The following BAHCC1 variants were observed in gnomAD, a reference collection of about 807,000 sequenced individuals.
BAHCC1 encodes BAH and coiled-coil domain-containing protein 1.
Under a neutral mutation model 88.2 loss-of-function variants are expected in BAHCC1, and 43 were observed. That is an observed-to-expected ratio of 0.49 (90% CI 0.38 to 0.63). The LOEUF is 0.63. Among genes scored for constraint, BAHCC1 ranks in the 20% least tolerant of loss-of-function variants. BAHCC1 has a pLI of 0.00. For missense variants in BAHCC1, 3,023 were observed against 1,654.8 expected (o/e 1.83, Z -14.34); for synonymous variants, 1,510 against 745.5 (o/e 2.03, Z -16.71).
chr17:81,446,838 C>A (rs894631544), intron 10 of BAHCC1, 198 bp from the exon 11 acceptor site: 3 of 677,406 alleles, frequency 4.4e-6, no homozygotes. Context: ...CAGGTGTGAG[C>A]TACTGCACCC....
intron 14 of BAHCC1, among the ~76,000 whole-genome samples, chr17:81,454,664 A>G (rs1555656775): frequency 1.3e-5 from 2 of 148,952 alleles, no homozygotes. Flanking sequence ...TGCCTGCCCC[A>G]CTCCTAAGGG....
At chr17:81,452,530 G>C (rs2064659976) in intron 13 of BAHCC1, among the ~76,000 whole-genome samples, 193 bp from the exon 14 acceptor site, 2 of 151,874 alleles carry the variant, frequency 1.3e-5, no homozygotes, top group Admixed American at 1.3e-4. Context: ...GTGTGTGGAT[G>C]GTAGGAGGTG....
At chr17:81,437,863 C>T (rs1555651955) in intron 3 of BAHCC1, among the ~76,000 whole-genome samples, 3 of 152,210 alleles carry the variant, frequency 2.0e-5, no homozygotes, top group African/African-American at 4.8e-5. Flanking sequence ...CGGATGGACA[C>T]ACCTGTGACC....
chr17:81,450,159 A>C (rs1598497923), intron 11 of BAHCC1, among the ~76,000 whole-genome samples: 1 of 152,130 alleles, frequency 6.6e-6, no homozygotes, highest in Non-Finnish European at 1.5e-5. Context: ...GGGCTTTCCC[A>C]GGGGATACCA....
chr17:81,442,124 G>A lies in BAHCC1; in HGVS notation c.775G>A (p.Asp259Asn), dbSNP rs371853410. The A allele has an allele frequency of 6.9e-5, 47 of 678,510 alleles. No individual in the cohort carries two copies. The highest frequency in any genetic ancestry group is 5.9e-4 in the East Asian group (22 of 37,138). 42.0% of individuals were successfully genotyped at this position (678,510 alleles called of 1,614,324 possible). A position where few individuals can be genotyped will look rare whatever the true frequency, so the allele number is the denominator to read the frequency against. ...CAAGCTGGTGCTGCCCGTGCCAGCC[G>A]ACGGGCACTGCAGGGAGGGCGGCCC... ...RHKLVLPVPADGHCREGGPAP... is the reference protein window; with the variant it reads ...RHKLVLPVPANGHCREGGPAP... The change falls in exon 5 of 28, where the codon GAC becomes AAC. Residue 259 changes from aspartate (D) to asparagine (N), a missense_variant. Physicochemically the swap from Asp to Asn is conservative, Grantham distance 23. Transcript: ENST00000675386.
chr17:81,455,830 G>A (rs1211780456), intron 15 of BAHCC1, among the ~76,000 whole-genome samples: 1 of 152,120 alleles, frequency 6.6e-6, no homozygotes, highest in Non-Finnish European at 1.5e-5. Flanking sequence ...CGTGGTGGGG[G>A]CTCTCTCGGC....
chr17:81,400,825 A>C (rs1481097775), intron 2 of BAHCC1: 1 of 154,376 alleles, frequency 6.5e-6, no homozygotes, highest in Non-Finnish European at 1.5e-5. Flanking sequence ...GGTGGCTTTG[A>C]TATGAGTGTC....
rs782478726 is a variant in BAHCC1, at chr17:81,457,434, G to A, written c.4883G>A (p.Cys1628Tyr). 5 of 772,004 alleles carry A rather than the reference G, an allele frequency of 6.5e-6. No homozygotes were observed. The highest frequency in any genetic ancestry group is 1.2e-5 in the Non-Finnish European group (5 of 414,776). 47.8% of individuals were successfully genotyped at this position (772,004 alleles called of 1,614,324 possible). The change falls in exon 17 of 28, where the codon TGC (cysteine) becomes TAC (tyrosine). Residue 1628 changes from cysteine to tyrosine, a missense_variant. Transcript: ENST00000675386. ...GGCAGTGGCTATGACAGTGAGGACT[G>A]CGAGGGTCTCCTGGGGACAGAGGCA... is the stretch of plus-strand genomic sequence containing the variant. The part of the protein sequence containing the change: ...EAGSGYDSED[C>Y]EGLLGTEAPP...
chr17:81,433,980 G>A (rs987517683), intron 3 of BAHCC1, among the ~76,000 whole-genome samples: 17 of 152,206 alleles, frequency 1.1e-4, no homozygotes, highest in Non-Finnish European at 1.8e-4. Context: ...CCTCGTGCGT[G>A]TGGCTGCACG....
At position 81,460,682 on chromosome 17, in the gene BAHCC1, AAAT is replaced by A. The variant is rs782615553; in HGVS notation, c.6179_6181del (p.Lys2060_Ser2061delinsThr). On this transcript the variant is annotated inframe_deletion, in exon 25 of 28. Coordinates refer to ENST00000675386, the MANE Select transcript of BAHCC1 (RefSeq NM_001377448.1). ...CGAAGCTTTGAAGACACCTGGGAAAAAATCCATTAGCAAAGACAAAGCTGGTAT... is the reference window on the plus strand; with the variant it reads ...CGAAGCTTTGAAGACACCTGGGAAAACCATTAGCAAAGACAAAGCTGGTAT... 4 of 773,384 alleles carry A rather than the reference AAAT, an allele frequency of 5.2e-6. No individual in the cohort carries two copies. The East Asian group carries it at 9.8e-5, about 19-fold the overall frequency. 47.9% of individuals were successfully genotyped at this position (773,384 alleles called of 1,614,324 possible).
At chr17:81,440,347 T>C (rs574309070) in intron 4 of BAHCC1, among the ~76,000 whole-genome samples, 62 of 152,348 alleles carry the variant, frequency 4.1e-4, no homozygotes, top group Middle Eastern at 3.4e-3. Flanking sequence ...AATATTTTGG[T>C]GGAGCTGTGT....
In BAHCC1 at chr17:81,453,188, G is replaced by A. The variant is rs150340217; in HGVS notation, c.4445+337G>A. 3.3e-4 allele frequency among the ~76,000 whole-genome samples: 51 copies of A among 152,360 alleles called. No homozygotes were observed. In the East Asian group the frequency reaches 7.3e-3, roughly 22 times the overall value. Reference sequence around the variant, plus strand: ...CCCCTGGAGTGTGAGGCGGTGTTGCGTGCAGGCCTCTTTATCTGCACTGTA... The same window carrying A: ...CCCCTGGAGTGTGAGGCGGTGTTGCATGCAGGCCTCTTTATCTGCACTGTA... On this transcript the variant is annotated intron_variant, in intron 14 of 27. Transcript: ENST00000675386.
chr17:81,435,062 C>T lies in BAHCC1; in HGVS notation c.359-3308C>T, dbSNP rs2064317421. Among the ~76,000 whole-genome samples the T allele has an allele frequency of 6.6e-6, 1 of 152,018 alleles. No homozygotes were observed. Among genetic ancestry groups the T allele is most frequent in the Non-Finnish European group, 1.5e-5 (1 of 67,976 alleles). Reference sequence around the variant, plus strand: ...CAGCCCCCATTTCTCTGCACGGTGCCCTCCCACTCCTCTGTCCTTCAGCCC... The same window carrying T: ...CAGCCCCCATTTCTCTGCACGGTGCTCTCCCACTCCTCTGTCCTTCAGCCC... On this transcript the variant is annotated intron_variant, in intron 3 of 27. Coordinates refer to ENST00000675386, the MANE Select transcript of BAHCC1 (RefSeq NM_001377448.1). The surrounding 1 kb of genome is among the most constrained non-coding windows in gnomAD (Gnocchi z 4.4).
At chr17:81,410,741 G>A (rs540914492) in intron 2 of BAHCC1, among the ~76,000 whole-genome samples, 1 of 152,150 alleles carries the variant, frequency 6.6e-6, no homozygotes, top group South Asian at 2.1e-4. Context: ...AGTGGCAGAG[G>A]GGGACTGGCC....
chr17:81,407,545 C>T (rs1555647124), intron 2 of BAHCC1, among the ~76,000 whole-genome samples: 1 of 152,228 alleles, frequency 6.6e-6, no homozygotes, highest in Non-Finnish European at 1.5e-5. Context: ...AGACCGGAGA[C>T]CCAAGAGACC....
chr17:81,426,155 G>A (rs2064194816), intron 2 of BAHCC1, among the ~76,000 whole-genome samples: 27 of 149,602 alleles, frequency 1.8e-4, no homozygotes, highest in Non-Finnish European at 3.0e-4. Context: ...GGTGGGTGAT[G>A]TGGTTGGGGG....
intron 27 of BAHCC1, 26 bp downstream of exon 27, chr17:81,463,002 C>T: frequency 1.3e-6 from 1 of 771,974 alleles, no homozygotes; most frequent in East Asian, 2.4e-5. Flanking sequence ...GTGTGGGGCC[C>T]AGCCCCCCTC....
chr17:81,415,700 C>T (rs1315296817), intron 2 of BAHCC1: 10 of 373,758 alleles, frequency 2.7e-5, no homozygotes, highest in Non-Finnish European at 5.2e-5. Context: ...GTGGAGCTCT[C>T]CCGGCCAACA....
Position 81,460,631 on chromosome 17 carries a change from C to G in BAHCC1, c.6127C>G (p.Leu2043Val), listed in dbSNP as rs527321357. Residue 2043 changes from leucine to valine, a missense_variant, in exon 25 of 28, where the codon CTG (leucine) becomes GTG (valine). Coordinates refer to ENST00000675386, the MANE Select transcript of BAHCC1 (RefSeq NM_001377448.1). ...GCCTAGTGAAGCCGCCACCCCCAGC[C>G]TGTCCCCCAAAGCACAGGACGGCCC... ...PPPSEAATPS[L>V]SPKAQDGPEA... The G allele has an allele frequency of 1.3e-6, 1 of 771,992 alleles. No homozygotes were observed. Among genetic ancestry groups the G allele is most frequent in the South Asian group, 1.4e-5 (1 of 73,434 alleles). The allele number at this position is 771,992 out of a possible 1,614,324, so 47.8% of individuals were successfully genotyped here.
Sources: gnomAD v4.1 joint callset for allele counts (sites outside exome capture counted in the v4.1 genomes callset) on GRCh38, gnomAD v4.1.1 for gene constraint, Gnocchi (gnomAD v3.1) non-coding constraint, MANE v1.5 for transcripts, NCBI Gene and HGNC (gene_info 2026-07-23, HGNC 2026-07-21) for gene names.